The following ZNF480 variants were observed in gnomAD, a reference collection of about 807,000 sequenced individuals.
ZNF480 encodes zinc finger protein 480.
A neutral mutation model predicts 14.4 loss-of-function variants in ZNF480; 15 were observed. The observed-to-expected ratio is 1.04, with a 90% CI of 0.70 to 1.60. ZNF480 has a LOEUF of 1.60. Among genes scored for constraint, ZNF480 ranks in the 40% most tolerant of loss-of-function variants. ZNF480 has a pLI of 0.00. For synonymous variants in ZNF480, 218 were observed against 215.5 expected, an observed-to-expected ratio of 1.01 and a Z score of -0.10; for missense variants, 593 against 629.7, an observed-to-expected ratio of 0.94 and a Z score of 0.62.
At chr19:52,298,439 C>A (rs544424839) in intron 1 of ZNF480, among the ~76,000 whole-genome samples, 1 of 152,052 alleles carries the variant, frequency 6.6e-6, no homozygotes, top group Non-Finnish European at 1.5e-5. Context: ...TTGAGACCAG[C>A]GTGGGCAACA....
At chr19:52,319,381 T>C (rs1983700058) in intron 4 of ZNF480, among the ~76,000 whole-genome samples, 1 of 152,210 alleles carries the variant, frequency 6.6e-6, no homozygotes, top group African/African-American at 2.4e-5. Flanking sequence ...CTTGGTTGAT[T>C]TTAAGCACTT....
chr19:52,299,463 G>T (rs975088295), intron 1 of ZNF480, among the ~76,000 whole-genome samples: 1 of 152,176 alleles, frequency 6.6e-6, no homozygotes, highest in East Asian at 1.9e-4. Context: ...TAAGTTCCTG[G>T]TTGGGACCTG....
At position 52,297,385 on chromosome 19, in the gene ZNF480, G is replaced by A. The variant is rs909563014; in HGVS notation, c.-20+162G>A. Among the ~76,000 whole-genome samples the A allele has an allele frequency of 1.2e-4, 18 of 151,746 alleles. No individual in the cohort carries two copies. The East Asian group carries it at 1.6e-3, about 13-fold the overall frequency. On this transcript the variant is annotated intron_variant, in intron 1 of 4. Transcript: ENST00000595962. ...GAGAGTCAGGCGGTCGCTTCCCTGT[G>A]TGTTTAAATCGCTCGGCGGCGGGTC...
intron 2 of ZNF480, among the ~76,000 whole-genome samples, chr19:52,303,766 C>T (rs964003682): frequency 6.6e-6 from 1 of 152,188 alleles, no homozygotes; most frequent in Non-Finnish European, 1.5e-5. Flanking sequence ...ATAGATTACT[C>T]ATGTCATAGG....
Position 52,321,495 on chromosome 19 carries a change from T to C in ZNF480, c.329-84T>C. The C allele has an allele frequency of 2.6e-6, 3 of 1,172,924 alleles. No homozygotes were observed. The Admixed American group carries it at 7.5e-5, about 29-fold the overall frequency. The allele number at this position is 1,172,924 out of a possible 1,614,324, so 72.7% of individuals were successfully genotyped here. On this transcript the variant is annotated intron_variant, in intron 4 of 4. Coordinates refer to ENST00000595962, the MANE Select transcript of ZNF480 (RefSeq NM_144684.4). ...TATTTCTTCCAATGTCTGAGTCAGA[T>C]GAGGCAGATTCTAGTATTTTCATCA...
intron 3 of ZNF480, among the ~76,000 whole-genome samples, chr19:52,314,488 A>C (rs943644847): frequency 7.7e-4 from 116 of 150,840 alleles, no homozygotes; most frequent in African/African-American, 2.8e-3. Flanking sequence ...AAAAAAAAAA[A>C]AAAAAAAAAA....
intron 4 of ZNF480, among the ~76,000 whole-genome samples, chr19:52,317,965 A>T (rs561422589): frequency 6.6e-5 from 10 of 152,170 alleles, no homozygotes; most frequent in African/African-American, 2.4e-4. Context: ...ATTTCTCTCT[A>T]ATGATTTGTG....
chr19:52,298,380 C>G (rs1340963405), intron 1 of ZNF480, among the ~76,000 whole-genome samples: 1 of 152,162 alleles, frequency 6.6e-6, no homozygotes, highest in Non-Finnish European at 1.5e-5. Flanking sequence ...CGCCTGTAAT[C>G]CCAGCACTTT....
At chr19:52,302,041 G>A (rs1016388195) in intron 2 of ZNF480, 20 of 203,314 alleles carry the variant, frequency 9.8e-5, no homozygotes, top group Non-Finnish European at 1.8e-4. Flanking sequence ...GGGGGTCCTC[G>A]GGTTCCTCCC....
intron 4 of ZNF480, among the ~76,000 whole-genome samples, chr19:52,316,236 C>A (rs1983552670): frequency 6.8e-6 from 1 of 147,616 alleles, no homozygotes; most frequent in Admixed American, 6.8e-5. Context: ...TTCTTCCTTT[C>A]CTTTATTTGA....
intron 1 of ZNF480, among the ~76,000 whole-genome samples, chr19:52,299,082 C>T (rs1324975608): frequency 6.6e-6 from 1 of 152,180 alleles, no homozygotes; most frequent in African/African-American, 2.4e-5. Context: ...TTCTTGGCAT[C>T]AGACTTTAGC....
chr19:52,311,918 G>A (rs1233712514), intron 2 of ZNF480, among the ~76,000 whole-genome samples: 1 of 152,098 alleles, frequency 6.6e-6, no homozygotes, highest in Non-Finnish European at 1.5e-5. Flanking sequence ...AGTGTATATG[G>A]GTCTAAGTGT....
chr19:52,305,084 G>A (rs1982866595), intron 2 of ZNF480, among the ~76,000 whole-genome samples: 1 of 152,156 alleles, frequency 6.6e-6, no homozygotes, highest in Non-Finnish European at 1.5e-5. Flanking sequence ...AGGGGATGGA[G>A]CCAGACTCTG....
intron 4 of ZNF480, chr19:52,317,318 G>A (rs1983606894): frequency 6.6e-6 from 1 of 151,840 alleles, no homozygotes; most frequent in South Asian, 2.1e-4. Flanking sequence ...GCCTGGCCTT[G>A]ACCATGGGTT....
At chr19:52,319,818 T>G (rs561530967) in intron 4 of ZNF480, among the ~76,000 whole-genome samples, 1,908 of 101,108 alleles carry the variant, frequency 0.019, 14 homozygotes, top group Middle Eastern at 0.066. Context: ...TGTGTTTTTT[T>G]TTTTTTTTTT....
At chr19:52,314,473 C>CAAAAAAAA (rs34349660) in intron 3 of ZNF480, among the ~76,000 whole-genome samples, 194 bp downstream of exon 3, 22 of 66,190 alleles carry the variant, frequency 3.3e-4, no homozygotes, top group Admixed American at 5.1e-4. Context: ...AACTCCGTCC[C>CAAAAAAAA]AAAAAAAAAA....
In ZNF480 at chr19:52,322,543, A is replaced by G. The variant is rs150701576; in HGVS notation, c.1293A>G (p.Glu431=). 5.2e-4 allele frequency: 845 copies of G among 1,613,904 alleles called. 1 individual carries two copies. The highest frequency in any genetic ancestry group is 3.7e-3 in the African/African-American group (279 of 74,944). Reference sequence around the variant, plus strand: ...GAGAGAAGCCTTACAAATGTAATGAATGTGGTAAAGCATTTAGTGAGTATT... The same window carrying G: ...GAGAGAAGCCTTACAAATGTAATGAGTGTGGTAAAGCATTTAGTGAGTATT... The part of the protein sequence containing the change: ...HTGEKPYKCN[E]CGKAFSEYSG... Residue 431 remains glutamate (E), a synonymous_variant, in exon 5 of 5, where the codon GAA becomes GAG. Coordinates refer to ENST00000595962, the MANE Select transcript of ZNF480 (RefSeq NM_144684.4).
rs923338418 is a variant in ZNF480, at chr19:52,323,792, A to G, written c.*934A>G. ...AAAACCCTCAACAAATTACACATTG[A>G]GGGAACATACTTCAATAAGAACCAT... On this transcript the variant is annotated 3_prime_UTR_variant, in exon 5 of 5. Transcript: ENST00000595962. 1 of 152,206 alleles carries G rather than the reference A, an allele frequency of 6.6e-6. No individual in the cohort carries two copies. The highest frequency in any genetic ancestry group is 1.5e-5 in the Non-Finnish European group (1 of 68,024). 9.4% of individuals were successfully genotyped at this position (152,206 alleles called of 1,614,324 possible). A position where few individuals can be genotyped will look rare whatever the true frequency, so the allele number is the denominator to read the frequency against.
chr19:52,315,340 C>A (rs1983499772), intron 3 of ZNF480, among the ~76,000 whole-genome samples: 1 of 150,226 alleles, frequency 6.7e-6, no homozygotes, highest in Non-Finnish European at 1.5e-5. Flanking sequence ...TTTTTTGAGA[C>A]AGAGTGTTTC....
Sources: gnomAD v4.1 joint callset for allele counts (sites outside exome capture counted in the v4.1 genomes callset) on GRCh38, gnomAD v4.1.1 for gene constraint, MANE v1.5 for transcripts, NCBI Gene and HGNC (gene_info 2026-07-23, HGNC 2026-07-21) for gene names.